GABRG3: variants seen among roughly 807,000 people sequenced by gnomAD.
GABRG3 encodes the protein gamma-aminobutyric acid type A receptor subunit gamma3.
A neutral mutation model predicts 48.8 loss-of-function variants in GABRG3; 25 were observed. That is an observed-to-expected ratio of 0.51 (90% CI 0.37 to 0.72). The LOEUF (loss-of-function observed/expected upper bound fraction) is 0.72, where lower values mean the gene tolerates loss of function less well. Among genes scored for constraint, GABRG3 ranks in the 30% least tolerant of loss-of-function variants. The pLI, the probability that GABRG3 is intolerant of heterozygous loss-of-function variation, is 0.00. For synonymous variants in GABRG3, 227 were observed against 217.6 expected (o/e 1.04, Z -0.38); for missense variants, 394 against 577.9 (o/e 0.68, Z 3.26).
chr15:27,310,771 G>A (rs1892967967), intron 3 of GABRG3, among the ~76,000 whole-genome samples: 2 of 152,080 alleles, frequency 1.3e-5, no homozygotes, highest in African/African-American at 4.8e-5. Context: ...ATTGAAACAA[G>A]GGTACAATAA....
At chr15:27,016,240 C>CTT (rs34202673) in intron 2 of GABRG3, among the ~76,000 whole-genome samples, 6,012 of 140,648 alleles carry the variant, frequency 0.043, 283 homozygotes, top group African/African-American at 0.12. Context: ...TTCTTTCTTT[C>CTT]TTTTTTTTTT....
rs186125484 is a variant in GABRG3 at position 27,388,133 on chromosome 15, G to A, written c.574+59245G>A. Among the ~76,000 whole-genome samples the A allele has an allele frequency of 7.0e-4, 65 of 92,412 alleles. 3 individuals carry two copies. The highest frequency in any genetic ancestry group is 3.5e-3 in the African/African-American group (56 of 16,204). The allele number at this position is 92,412 out of a possible 152,430, so 60.6% of individuals were successfully genotyped here. A position where few individuals can be genotyped will look rare whatever the true frequency, so the allele number is the denominator to read the frequency against. ...GAAAAGAAGGAAGGAAGGAAAGGAG[G>A]GAGGGAGGGTAAGGAAGGAAGGAAG... is the stretch of plus-strand genomic sequence containing the variant. On this transcript the variant is annotated intron_variant, in intron 5 of 9. Transcript: ENST00000615808.
chr15:27,372,277 G>T (rs566950269), intron 5 of GABRG3, among the ~76,000 whole-genome samples: 1 of 152,068 alleles, frequency 6.6e-6, no homozygotes, highest in African/African-American at 2.4e-5. Flanking sequence ...TGTGTTTTGC[G>T]TCTGTTTTAT....
chr15:27,299,966 G>A (rs1233482050), intron 3 of GABRG3, among the ~76,000 whole-genome samples: 1 of 152,106 alleles, frequency 6.6e-6, no homozygotes, highest in East Asian at 1.9e-4. Flanking sequence ...GCTTGTGTAT[G>A]TCTAGATCTA....
At chr15:27,249,006 C>A (rs1029213456) in intron 3 of GABRG3, among the ~76,000 whole-genome samples, 2 of 151,986 alleles carry the variant, frequency 1.3e-5, no homozygotes, top group Non-Finnish European at 2.9e-5. Context: ...GCAAGGGAGA[C>A]CCACTGTTTG....
rs969465635 is a variant in GABRG3 at position 27,447,591 on chromosome 15, A to T, written c.575-33059A>T. On this transcript the variant is annotated intron_variant, in intron 5 of 9. Transcript: ENST00000615808. The surrounding 1 kb of genome is among the most constrained non-coding windows in gnomAD (Gnocchi z 4.0). ...AGAGATGGGGACAGATTTGACACAG[A>T]CCTACACATGCTGATGATGAGATAA... Among the ~76,000 whole-genome samples the T allele has an allele frequency of 7.2e-5, 11 of 152,158 alleles. No individual in the cohort carries two copies. The highest frequency in any genetic ancestry group is 2.7e-4 in the African/African-American group (11 of 41,454).
At position 27,360,718 on chromosome 15, in the gene GABRG3, C is replaced by T. The variant is rs1239807377; in HGVS notation, c.574+31830C>T. Among the ~76,000 whole-genome samples the T allele has an allele frequency of 2.6e-5, 4 of 152,280 alleles. No homozygotes were observed. The East Asian group carries it at 5.8e-4, about 22-fold the overall frequency. On this transcript the variant is annotated intron_variant, in intron 5 of 9. Coordinates refer to ENST00000615808, the MANE Select transcript of GABRG3 (RefSeq NM_033223.5). ...CTACATAAGATCTGCAAGGGCAGCC[C>T]CTTTCTGCCAAAACTGGACTCCTGC...
intron 5 of GABRG3, among the ~76,000 whole-genome samples, chr15:27,411,498 G>T (rs1418979664): frequency 3.3e-5 from 5 of 152,146 alleles, no homozygotes; most frequent in African/African-American, 1.2e-4. Flanking sequence ...GCATTACTGA[G>T]ATCCAGCCAT....
intron 3 of GABRG3, among the ~76,000 whole-genome samples, chr15:27,081,294 C>G (rs1443380792): frequency 1.3e-5 from 2 of 152,008 alleles, no homozygotes. Context: ...TCTTTTAATT[C>G]TCATGTTTTG....
chr15:27,417,093 A>T (rs905883109), intron 5 of GABRG3, among the ~76,000 whole-genome samples: 4 of 152,178 alleles, frequency 2.6e-5, no homozygotes, highest in Admixed American at 6.5e-5. Flanking sequence ...GAAGTATCTG[A>T]AGATATTTTT....
intron 3 of GABRG3, among the ~76,000 whole-genome samples, chr15:27,157,126 T>TTGC (rs1475394170): frequency 1.3e-5 from 2 of 152,208 alleles, no homozygotes; most frequent in Non-Finnish European, 2.9e-5. Flanking sequence ...AGTATTGCAC[T>TTGC]ATAAAAAATG....
At chr15:27,343,243 C>G (rs556966880) in intron 5 of GABRG3, among the ~76,000 whole-genome samples, 208 of 152,216 alleles carry the variant, frequency 1.4e-3, no homozygotes, top group African/African-American at 4.8e-3. Flanking sequence ...ACTGTCTTGG[C>G]GTGCAGAAGT....
chr15:27,388,271 G>GGAA lies in GABRG3; in HGVS notation c.574+59383_574+59384insGAA, dbSNP rs1566818251. Among the ~76,000 whole-genome samples the GGAA allele has an allele frequency of 3.1e-4, 15 of 48,878 alleles. 1 individual carries two copies. The highest frequency in any genetic ancestry group is 6.7e-4 in the Admixed American group (3 of 4,450). 32.1% of individuals were successfully genotyped at this position (48,878 alleles called of 152,430 possible). A position where few individuals can be genotyped will look rare whatever the true frequency, so the allele number is the denominator to read the frequency against. ...AAAGGAAGGAAGGAAAGGAGGGAGG[G>GGAA]AGGGTAAGGAAGGAAGGAAGAAAAG... On this transcript the variant is annotated intron_variant, in intron 5 of 9. Coordinates refer to ENST00000615808, the MANE Select transcript of GABRG3 (RefSeq NM_033223.5).
At position 26,977,107 on chromosome 15, in the gene GABRG3, G is replaced by A; in HGVS notation, c.159G>A (p.Lys53=). Residue 53 remains lysine, a synonymous_variant, in exon 2 of 10, where the codon AAG becomes AAA. Transcript: ENST00000615808. ...CCGACGTGACTCTTATTCTCAACAA[G>A]TTGCTAAGAGAATATGATAAAAAGC... ...QDTDVTLILN[K]LLREYDKKLR... is the part of the protein sequence containing the mutation. The A allele has an allele frequency of 6.2e-7, 1 of 1,613,900 alleles. No individual in the cohort carries two copies. The highest frequency in any genetic ancestry group is 8.5e-7 in the Non-Finnish European group (1 of 1,179,858).
chr15:27,227,070 T>C (rs1370556100), intron 3 of GABRG3, among the ~76,000 whole-genome samples: 3 of 152,226 alleles, frequency 2.0e-5, no homozygotes, highest in South Asian at 2.1e-4. Context: ...GCCAGCCGCC[T>C]GTAAGGTGAG....
intron 6 of GABRG3, among the ~76,000 whole-genome samples, chr15:27,494,229 ATT>A (rs1890426245): frequency 6.6e-6 from 1 of 151,740 alleles, no homozygotes; most frequent in Non-Finnish European, 1.5e-5. Context: ...AAATATTAAT[ATT>A]GTTAATATTA....
At chr15:27,528,742 C>T (rs1398773689) in intron 9 of GABRG3, among the ~76,000 whole-genome samples, 1 of 152,170 alleles carries the variant, frequency 6.6e-6, no homozygotes, top group East Asian at 1.9e-4. Context: ...TTTGCATTTC[C>T]ATTTTTGGGA....
chr15:27,222,600 G>T (rs1889487000), intron 3 of GABRG3, among the ~76,000 whole-genome samples: 1 of 152,190 alleles, frequency 6.6e-6, no homozygotes, highest in Non-Finnish European at 1.5e-5. Flanking sequence ...TGTAAACAAT[G>T]ACCTAAGAAC....
intron 6 of GABRG3, among the ~76,000 whole-genome samples, chr15:27,502,719 T>C (rs1890670815): frequency 6.6e-6 from 1 of 152,232 alleles, no homozygotes; most frequent in Non-Finnish European, 1.5e-5. Flanking sequence ...ATCAATTTTC[T>C]GGAATGGCTC....
Sources: gnomAD v4.1 joint callset for allele counts (sites outside exome capture counted in the v4.1 genomes callset) on GRCh38, gnomAD v4.1.1 for gene constraint, Gnocchi (gnomAD v3.1) non-coding constraint, MANE v1.5 for transcripts, NCBI Gene and HGNC (gene_info 2026-07-23, HGNC 2026-07-21) for gene names.